The following EPX variants were observed in gnomAD, a reference collection of about 807,000 sequenced individuals.
The protein encoded by EPX is eosinophil peroxidase.
In EPX, 60 loss-of-function variants were observed where a neutral mutation model predicts 73.0. That is an observed-to-expected ratio of 0.82 (90% CI 0.67 to 1.02). The LOEUF is 1.02. EPX is among the 50% of genes least tolerant of loss of function. The pLI is 0.00. For missense variants in EPX, 950 were observed against 973.9 expected, an observed-to-expected ratio of 0.98 and a Z score of 0.33; for synonymous variants, 347 against 389.2, an observed-to-expected ratio of 0.89 and a Z score of 1.28.
chr17:58,196,496 C>T (rs1483445212), intron 6 of EPX, among the ~76,000 whole-genome samples: 3 of 152,168 alleles, frequency 2.0e-5, no homozygotes, highest in Non-Finnish European at 4.4e-5. Context: ...CACTGAACTG[C>T]CAGCTTCCTG....
rs1026206484 is a variant in EPX at position 58,192,898 on chromosome 17, C to A, written c.52C>A (p.Gln18Lys). ...GGTCCTGGCCACACTCGTCCTCGCCCAGCCCTGTGAGGGCACTGACCCAGG... is the reference window on the plus strand; with the variant it reads ...GGTCCTGGCCACACTCGTCCTCGCCAAGCCCTGTGAGGGCACTGACCCAGG... ...AGVLATLVLA[Q>K]PCEGTDPASP... Residue 18 changes from glutamine to lysine, a missense_variant, in exon 1 of 13, where the codon CAG (glutamine) becomes AAG (lysine). Gln to Lys is a moderately conservative substitution (Grantham distance 53). Coordinates refer to ENST00000225371, the MANE Select transcript of EPX (RefSeq NM_000502.6). The A allele has an allele frequency of 1.2e-6, 2 of 1,614,038 alleles. No homozygotes were observed. Among genetic ancestry groups the A allele is most frequent in the Non-Finnish European group, 1.7e-6 (2 of 1,179,992 alleles).
In EPX at chr17:58,200,407, G is replaced by A; in HGVS notation, c.1708+12G>A. On this transcript the variant is annotated intron_variant, in intron 10 of 12. Coordinates refer to ENST00000225371, the MANE Select transcript of EPX (RefSeq NM_000502.6). ...CCACGGCCTTCCAGGTGAGGGGGCT[G>A]TCCACCTCTTCTCCCAGCTTTGCTC... The A allele has an allele frequency of 6.2e-7, 1 of 1,613,268 alleles. No homozygotes were observed. Among genetic ancestry groups the A allele is most frequent in the East Asian group, 2.2e-5 (1 of 44,870 alleles).
chr17:58,198,241 G>C (rs2143712145), intron 7 of EPX, among the ~76,000 whole-genome samples: 1 of 152,292 alleles, frequency 6.6e-6, no homozygotes, highest in South Asian at 2.1e-4. Context: ...CTCAGGGAAA[G>C]TGAATCATGC....
chr17:58,199,621 G>C lies in EPX; in HGVS notation c.1364G>C (p.Cys455Ser), dbSNP rs1361831826. 3 of 1,614,156 alleles carry C rather than the reference G, an allele frequency of 1.9e-6. No homozygotes were observed. Among genetic ancestry groups the C allele is most frequent in the South Asian group, 2.2e-5 (2 of 91,072 alleles). ...RRTLGHYRGY[C>S]SNVDPRVANV... is the part of the protein sequence containing the mutation. ...ACCCTGGGGCACTACAGGGGGTACT[G>C]CTCCAATGTGGACCCACGGGTGGCC... Residue 455 changes from cysteine (C) to serine (S), a missense_variant, in exon 9 of 13, where the codon TGC (cysteine) becomes TCC (serine). By Grantham distance (112) the Cys-to-Ser change is moderately radical. Transcript: ENST00000225371.
At chr17:58,204,708 G>T (rs1968406105) in intron 12 of EPX, 28 bp from the exon 13 acceptor site, 1 of 455,590 alleles carries the variant, frequency 2.2e-6, no homozygotes, top group East Asian at 4.2e-5. Context: ...GTAAATTCCT[G>T]ACTTATCCAG....
chr17:58,193,092 A>G lies in EPX; in HGVS notation c.131A>G (p.Lys44Arg). Residue 44 changes from lysine to arginine, a missense_variant, in exon 2 of 13, where the codon AAG (lysine) becomes AGG (arginine). By Grantham distance (26) the Lys-to-Arg change is conservative (BLOSUM62 2). Transcript: ENST00000225371. ...SVLRDCIAEA[K>R]LLVDAAYNWT... Reference sequence around the variant, plus strand: ...CTGCGAGACTGCATAGCAGAGGCCAAGTTGCTGGTGGATGCTGCCTACAAT... The same window carrying G: ...CTGCGAGACTGCATAGCAGAGGCCAGGTTGCTGGTGGATGCTGCCTACAAT... 1 of 1,613,524 alleles carries G rather than the reference A, an allele frequency of 6.2e-7. No homozygotes were observed. Among genetic ancestry groups the G allele is most frequent in the Non-Finnish European group, 8.5e-7 (1 of 1,179,418 alleles).
chr17:58,199,746 G>A lies in EPX; in HGVS notation c.1489G>A (p.Val497Ile), dbSNP rs754801360. ...QYRASAPNSH[V>I]PLSSAFFASW... Reference sequence around the variant, plus strand: ...CCGGGCCTCCGCACCCAACTCGCATGTCCCACTTAGCTCTGCCTTCTTTGC... The same window carrying A: ...CCGGGCCTCCGCACCCAACTCGCATATCCCACTTAGCTCTGCCTTCTTTGC... The change falls in exon 9 of 13, where the codon GTC (valine) becomes ATC (isoleucine). Residue 497 changes from valine to isoleucine, a missense_variant. By Grantham distance (29) the Val-to-Ile change is conservative. Transcript: ENST00000225371. 1.1e-5 allele frequency: 18 copies of A among 1,613,670 alleles called. No homozygotes were observed. Among genetic ancestry groups the A allele is most frequent in the East Asian group, 2.2e-5 (1 of 44,874 alleles).
intron 7 of EPX, among the ~76,000 whole-genome samples, chr17:58,198,510 C>T (rs1968292618): frequency 6.6e-6 from 1 of 152,204 alleles, no homozygotes; most frequent in Admixed American, 6.5e-5. Flanking sequence ...AACTTTCTTT[C>T]CCTGCCTGTA....
intron 9 of EPX, 117 bp from the exon 10 acceptor site, chr17:58,200,108 G>A (rs1456693612): frequency 2.0e-5 from 20 of 984,896 alleles, no homozygotes; most frequent in South Asian, 1.7e-4. Context: ...CCTGACAAAC[G>A]TTACTAACAT....
chr17:58,196,943 C>A lies in EPX; in HGVS notation c.806C>A (p.Pro269Gln). The A allele has an allele frequency of 6.2e-7, 1 of 1,613,572 alleles. No homozygotes were observed. The highest frequency in any genetic ancestry group is 1.1e-5 in the South Asian group (1 of 91,064). The part of the protein sequence containing the change: ...QLPPCFPIKI[P>Q]PNDPRIKNQR... ...CTGTCTCCTCTTCCATCTCAGATCC[C>A]ACCCAATGACCCCCGCATCAAGAAC... Residue 269 changes from proline (P) to glutamine (Q), a missense_variant, in exon 7 of 13, where the codon CCA becomes CAA. Transcript: ENST00000225371.
rs749190200 is a variant in EPX, at chr17:58,199,772, C to T, written c.1515C>T (p.Ala505=). Residue 505 remains alanine, a synonymous_variant, in exon 9 of 13, where the codon GCC becomes GCT. Coordinates refer to ENST00000225371, the MANE Select transcript of EPX (RefSeq NM_000502.6). ...TCCCACTTAGCTCTGCCTTCTTTGCCAGCTGGCGGATCGTGTATGAAGGTG... is the reference window on the plus strand; with the variant it reads ...TCCCACTTAGCTCTGCCTTCTTTGCTAGCTGGCGGATCGTGTATGAAGGTG... ...SHVPLSSAFF[A]SWRIVYEGGI... is the part of the protein sequence containing the mutation. 25 of 1,613,138 alleles carry T rather than the reference C, an allele frequency of 1.5e-5. No homozygotes were observed. The highest frequency in any genetic ancestry group is 1.6e-4 in the Middle Eastern group (1 of 6,076).
intron 6 of EPX, 43 bp downstream of exon 6, chr17:58,195,213 C>G: frequency 6.7e-7 from 1 of 1,501,700 alleles, no homozygotes; most frequent in South Asian, 1.1e-5. Context: ...GTGTGGCCTC[C>G]CCCAAAGGCA....
In EPX at chr17:58,203,283, C is replaced by A. The variant is rs745457223; in HGVS notation, c.1911C>A (p.Phe637Leu). 6.2e-7 allele frequency: 1 copy of A among 1,613,994 alleles called. No individual in the cohort carries two copies. Among genetic ancestry groups the A allele is most frequent in the Non-Finnish European group, 8.5e-7 (1 of 1,179,954 alleles). Residue 637 changes from phenylalanine to leucine, a missense_variant, in exon 11 of 13, where the codon TTC (phenylalanine) becomes TTA (leucine). Coordinates refer to ENST00000225371, the MANE Select transcript of EPX (RefSeq NM_000502.6). ...TGGGGCCTCTTCTGGCTTGTCTGTT[C>A]GAGAACCAGTTCAGAAGAGCCCGAG... ...ARVGPLLACL[F>L]ENQFRRARDG... is the part of the protein sequence containing the mutation.
Position 58,203,306 on chromosome 17 carries a change from G to A in EPX, c.1934G>A (p.Arg645Gln), listed in dbSNP as rs141104307. 603 of 1,611,612 alleles carry A rather than the reference G, an allele frequency of 3.7e-4. No individual in the cohort carries two copies. The highest frequency in any genetic ancestry group is 4.8e-4 in the Non-Finnish European group (566 of 1,177,720). Residue 645 changes from arginine (R) to glutamine (Q), a missense_variant, in exon 11 of 13, where the codon CGA becomes CAA. Physicochemically the swap from Arg to Gln is conservative, Grantham distance 43. Coordinates refer to ENST00000225371, the MANE Select transcript of EPX (RefSeq NM_000502.6). ...TTCGAGAACCAGTTCAGAAGAGCCCGAGACGGAGACAGGTAAGTGACCCTA... is the reference window on the plus strand; with the variant it reads ...TTCGAGAACCAGTTCAGAAGAGCCCAAGACGGAGACAGGTAAGTGACCCTA... ...CLFENQFRRA[R>Q]DGDRFWWQKR...
At chr17:58,200,161 T>C in intron 9 of EPX, 64 bp from the exon 10 acceptor site, 1 of 1,525,608 alleles carries the variant, frequency 6.6e-7, no homozygotes, top group Non-Finnish European at 9.1e-7. Context: ...TGGCATCATG[T>C]GATAACCCAA....
Position 58,199,585 on chromosome 17 carries a change from G to A in EPX, c.1328G>A (p.Arg443Gln), listed in dbSNP as rs149447728. Residue 443 changes from arginine (R) to glutamine (Q), a missense_variant, in exon 9 of 13, where the codon CGG becomes CAG. Arg to Gln is a conservative substitution (Grantham distance 43). Transcript: ENST00000225371. ...CTGCCCCTGGTTCTGGGCAAGGCCC[G>A]GGCCAGGAGAACCCTGGGGCACTAC... ...DFLPLVLGKA[R>Q]ARRTLGHYRG... The A allele has an allele frequency of 3.0e-5, 48 of 1,613,982 alleles. No individual in the cohort carries two copies. The highest frequency in any genetic ancestry group is 1.6e-4 in the Middle Eastern group (1 of 6,082).
chr17:58,192,993 G>A (rs1316964780), intron 1 of EPX, 45 bp from the exon 2 acceptor site: 34 of 1,592,826 alleles, frequency 2.1e-5, no homozygotes, highest in Non-Finnish European at 2.8e-5. Flanking sequence ...TCTTGGAGGG[G>A]GTCTTGTGGC....
intron 3 of EPX, 23 bp downstream of exon 3, chr17:58,193,569 C>A (rs371724146): frequency 1.2e-6 from 2 of 1,612,424 alleles, no homozygotes; most frequent in Non-Finnish European, 1.7e-6. Flanking sequence ...CCACTGAGCC[C>A]GCTGGGCCTA....
Position 58,193,482 on chromosome 17 carries a change from T to C in EPX, c.282T>C (p.His94=). 1.2e-6 allele frequency: 2 copies of C among 1,614,194 alleles called. No homozygotes were observed. The highest frequency in any genetic ancestry group is 1.7e-6 in the Non-Finnish European group (2 of 1,180,030). The change falls in exon 3 of 13, where the codon CAT becomes CAC. Residue 94 remains histidine, a synonymous_variant. Coordinates refer to ENST00000225371, the MANE Select transcript of EPX (RefSeq NM_000502.6). ...TTGTTCGGGCCGCAGATTATATGCATGTGGCTTTGGGGCTGCTTGAAGAGA... is the reference window on the plus strand; with the variant it reads ...TTGTTCGGGCCGCAGATTATATGCACGTGGCTTTGGGGCTGCTTGAAGAGA... ...RTVVRAADYM[H]VALGLLEEKL... is the part of the protein sequence containing the mutation.
Sources: allele counts gnomAD v4.1 joint callset (sites outside exome capture counted in the v4.1 genomes callset), GRCh38; gene constraint gnomAD v4.1.1; transcripts MANE v1.5; gene names NCBI Gene and HGNC (gene_info 2026-07-23, HGNC 2026-07-21).